NBAS: variants seen among roughly 807,000 people sequenced by gnomAD.
NBAS encodes the protein NAG/BC035112 fusion.
Under a neutral mutation model 302.5 loss-of-function variants are expected in NBAS, and 219 were observed. The observed-to-expected ratio is 0.72, with a 90% CI of 0.65 to 0.81. NBAS has a LOEUF of 0.81. NBAS is among the 30% of genes least tolerant of loss of function. The pLI is 0.00. For synonymous variants in NBAS, 1,118 were observed against 1,021.6 expected, an observed-to-expected ratio of 1.09 and a Z score of -1.80; for missense variants, 2,932 against 2,841.6, an observed-to-expected ratio of 1.03 and a Z score of -0.72.
the NBAS span, among the ~76,000 whole-genome samples, chr2:14,991,973 G>A: frequency 1.3e-5 from 2 of 152,174 alleles, no homozygotes; most frequent in African/African-American, 4.8e-5. Flanking sequence ...TTACGGAGGA[G>A]GAGCACCTTT....
At chr2:15,287,006 A>C in intron 42 of NBAS, 67 bp downstream of exon 42, 3 of 1,288,100 alleles carry the variant, frequency 2.3e-6, no homozygotes, top group East Asian at 4.6e-5. Flanking sequence ...AACTTCTTCA[A>C]GAGTCTTCAA....
intron 44 of NBAS, among the ~76,000 whole-genome samples, chr2:15,252,285 G>C (rs1171792408): frequency 1.3e-5 from 2 of 152,126 alleles, no homozygotes; most frequent in Non-Finnish European, 2.9e-5. Context: ...GATCACCTGA[G>C]GTTGGGAGCT....
intron 21 of NBAS, among the ~76,000 whole-genome samples, chr2:15,452,186 T>C (rs1291601996): frequency 2.0e-5 from 3 of 152,222 alleles, no homozygotes; most frequent in Non-Finnish European, 4.4e-5. Context: ...ATTGGTTGCA[T>C]AGCAACGTGA....
At chr2:14,821,894 A>G in the NBAS span, among the ~76,000 whole-genome samples, 2 of 151,940 alleles carry the variant, frequency 1.3e-5, no homozygotes, top group Non-Finnish European at 2.9e-5. Flanking sequence ...TTAGCCAGGC[A>G]CAGTGACAGG....
At chr2:15,188,276 G>A (rs1404361145) in intron 49 of NBAS, among the ~76,000 whole-genome samples, 1 of 152,210 alleles carries the variant, frequency 6.6e-6, no homozygotes, top group Non-Finnish European at 1.5e-5. Context: ...TTATAGTCAT[G>A]TGGATCAAAC....
chr2:14,941,710 CTGAT>C, the NBAS span, among the ~76,000 whole-genome samples: 2 of 152,186 alleles, frequency 1.3e-5, no homozygotes, highest in African/African-American at 4.8e-5. Flanking sequence ...GACAAATTAT[CTGAT>C]TGTTGAGATT....
chr2:15,399,828 G>A (rs1676060351), intron 26 of NBAS, among the ~76,000 whole-genome samples: 1 of 151,916 alleles, frequency 6.6e-6, no homozygotes, highest in Admixed American at 6.6e-5. Context: ...ATTTAAATAG[G>A]GATTATTCAG....
intron 8 of NBAS, 95 bp downstream of exon 8, chr2:15,536,323 G>C: frequency 3.5e-6 from 5 of 1,441,764 alleles, no homozygotes; most frequent in South Asian, 2.4e-5. Flanking sequence ...TTTCATAATA[G>C]ACAGAAAGCA....
chr2:15,151,604 A>C, the NBAS span, among the ~76,000 whole-genome samples: 1 of 152,222 alleles, frequency 6.6e-6, no homozygotes, highest in African/African-American at 2.4e-5. Flanking sequence ...CCTGTGTGTG[A>C]TAGTTAACTT....
At chr2:15,428,377 T>G (rs896827094) in intron 21 of NBAS, among the ~76,000 whole-genome samples, 3 of 152,026 alleles carry the variant, frequency 2.0e-5, no homozygotes, top group African/African-American at 7.2e-5. Context: ...AGAGGACAGG[T>G]GATAGTAAGA....
the NBAS span, among the ~76,000 whole-genome samples, chr2:14,854,886 G>A: frequency 6.6e-6 from 1 of 152,182 alleles, no homozygotes; most frequent in Non-Finnish European, 1.5e-5. Flanking sequence ...TGATGAAATA[G>A]GCCCAGAGAC....
chr2:15,337,751 T>C (rs1273094646), intron 35 of NBAS, among the ~76,000 whole-genome samples: 6 of 152,162 alleles, frequency 3.9e-5, no homozygotes, highest in African/African-American at 1.2e-4. Flanking sequence ...AACATTTAAT[T>C]TGGGGGGCAG....
chr2:15,004,993 C>T, the NBAS span, among the ~76,000 whole-genome samples: 1 of 151,948 alleles, frequency 6.6e-6, no homozygotes, highest in East Asian at 1.9e-4. Flanking sequence ...AGCTTAACAC[C>T]CAAACTGACA....
chr2:15,424,494 A>G, intron 22 of NBAS, 26 bp from the exon 23 acceptor site: 1 of 1,612,936 alleles, frequency 6.2e-7, no homozygotes, highest in Non-Finnish European at 8.5e-7. Flanking sequence ...GGACCAATTA[A>G]TAACTGACTA....
chr2:14,835,885 G>A, the NBAS span, among the ~76,000 whole-genome samples: 2 of 151,964 alleles, frequency 1.3e-5, no homozygotes, highest in Non-Finnish European at 2.9e-5. Context: ...CGTAGAAAAT[G>A]TCTAAGTATA....
the NBAS span, among the ~76,000 whole-genome samples, chr2:15,106,483 C>T: frequency 1.3e-5 from 2 of 151,606 alleles, no homozygotes; most frequent in African/African-American, 2.4e-5. Flanking sequence ...CTCTCTCACT[C>T]TCCAGTCCCC....
At chr2:14,860,939 T>C in the NBAS span, among the ~76,000 whole-genome samples, 2 of 152,210 alleles carry the variant, frequency 1.3e-5, no homozygotes, top group South Asian at 4.1e-4. Flanking sequence ...GATTAATGTA[T>C]TAATTTATCA....
the NBAS span, among the ~76,000 whole-genome samples, chr2:15,034,498 G>A: frequency 4.3e-4 from 66 of 152,184 alleles, no homozygotes; most frequent in African/African-American, 1.5e-3. Context: ...TTGTTTTTAA[G>A]CAACACAGCC....
Position 15,327,864 on chromosome 2 carries a change from C to T in NBAS, c.4468G>A (p.Gly1490Arg), listed in dbSNP as rs1175330281. Residue 1490 changes from glycine to arginine, a missense_variant, in exon 38 of 52, where the codon GGG becomes AGG. Coordinates refer to ENST00000281513, the MANE Select transcript of NBAS (RefSeq NM_015909.4). ...ACATGCTGATAGGTGTCATAGGTCC[C>T]TTCAGACTACACAAAAGAAGCAGTT... is the stretch of plus-strand genomic sequence containing the variant. ...ISNPFVAESE[G>R]TYDTYQHVPV... is the part of the protein sequence containing the mutation. The T allele has an allele frequency of 2.9e-5, 46 of 1,613,422 alleles. No individual in the cohort carries two copies. Among genetic ancestry groups the T allele is most frequent in the Non-Finnish European group, 3.5e-5 (41 of 1,179,742 alleles).
Sources: allele counts gnomAD v4.1 joint callset (sites outside exome capture counted in the v4.1 genomes callset), GRCh38; gene constraint gnomAD v4.1.1; transcripts MANE v1.5; gene names NCBI Gene and HGNC (gene_info 2026-07-23, HGNC 2026-07-21).